Variants in RIT2 observed in about 807,000 individuals in gnomAD.
The protein encoded by RIT2 is GTP-binding protein Rit2.
A neutral mutation model predicts 23.7 loss-of-function variants in RIT2; 24 were observed. The observed-to-expected ratio is 1.01, with a 90% CI of 0.73 to 1.43. The LOEUF is 1.43. Among genes scored for constraint, RIT2 ranks in the 40% most tolerant of loss-of-function variants. The pLI is 0.00. For synonymous variants in RIT2, 107 were observed against 91.1 expected (o/e 1.17, Z -0.99); for missense variants, 236 against 266.9 (o/e 0.88, Z 0.81).
At chr18:42,900,457 G>A (rs1232988913) in intron 4 of RIT2, among the ~76,000 whole-genome samples, 1 of 152,012 alleles carries the variant, frequency 6.6e-6, no homozygotes, top group Non-Finnish European at 1.5e-5. Flanking sequence ...GATATGCCAG[G>A]TTAACAATGC....
chr18:43,011,990 G>A (rs1018783343), intron 2 of RIT2, among the ~76,000 whole-genome samples: 3 of 151,624 alleles, frequency 2.0e-5, no homozygotes, highest in Admixed American at 6.6e-5. Context: ...GAGCTTTTTC[G>A]TGTTCCTGAA....
At chr18:43,087,468 G>A (rs1487916577) in intron 1 of RIT2, among the ~76,000 whole-genome samples, 1 of 152,042 alleles carries the variant, frequency 6.6e-6, no homozygotes, top group African/African-American at 2.4e-5. Context: ...GTCTCCCTTT[G>A]AGATTCAAAC....
chr18:42,864,644 A>G (rs1907420691), intron 4 of RIT2, among the ~76,000 whole-genome samples: 1 of 152,184 alleles, frequency 6.6e-6, no homozygotes, highest in Non-Finnish European at 1.5e-5. Flanking sequence ...TATTTACACC[A>G]TGCCACTCAA....
intron 4 of RIT2, among the ~76,000 whole-genome samples, chr18:42,775,191 G>A (rs1913639115): frequency 6.6e-6 from 1 of 152,086 alleles, no homozygotes; most frequent in Admixed American, 6.5e-5. Context: ...AGCCACTCAG[G>A]AATCCATTGT....
At chr18:42,920,843 C>A in intron 4 of RIT2, 2 of 933,100 alleles carry the variant, frequency 2.1e-6, no homozygotes, top group South Asian at 1.3e-5. Context: ...GTAATTTCAC[C>A]GTTGAGAGTT....
At chr18:43,060,892 T>G (rs923392654) in intron 1 of RIT2, among the ~76,000 whole-genome samples, 3 of 152,102 alleles carry the variant, frequency 2.0e-5, no homozygotes, top group Admixed American at 2.0e-4. Context: ...ATCCCTACAG[T>G]TTATAATGAG....
At chr18:42,779,845 C>T (rs1266101842) in intron 4 of RIT2, among the ~76,000 whole-genome samples, 1 of 152,102 alleles carries the variant, frequency 6.6e-6, no homozygotes, top group Non-Finnish European at 1.5e-5. Context: ...GACTTTGCCA[C>T]TAACTGCTCT....
chr18:42,894,334 C>T (rs1908264103), intron 4 of RIT2, among the ~76,000 whole-genome samples: 1 of 152,182 alleles, frequency 6.6e-6, no homozygotes, highest in South Asian at 2.1e-4. Context: ...ATCCAATAAT[C>T]AGCAAGACAC....
At chr18:42,970,013 T>C (rs1310161008) in intron 3 of RIT2, among the ~76,000 whole-genome samples, 1 of 152,048 alleles carries the variant, frequency 6.6e-6, no homozygotes, top group Non-Finnish European at 1.5e-5. Context: ...CCTATTGCAG[T>C]TCTTGGTACA....
intron 2 of RIT2, among the ~76,000 whole-genome samples, chr18:42,978,599 AG>A (rs1393312944): frequency 6.6e-6 from 1 of 152,172 alleles, no homozygotes; most frequent in Non-Finnish European, 1.5e-5. Context: ...ATGTATACAA[AG>A]CTTTATCAGG....
chr18:42,983,112 A>G (rs977863181), intron 2 of RIT2, among the ~76,000 whole-genome samples: 1 of 152,176 alleles, frequency 6.6e-6, no homozygotes, highest in African/African-American at 2.4e-5. Flanking sequence ...AACAGTTATC[A>G]TACAGCTACA....
At chr18:42,885,638 A>C (rs916418292) in intron 4 of RIT2, among the ~76,000 whole-genome samples, 2 of 152,166 alleles carry the variant, frequency 1.3e-5, no homozygotes, top group Non-Finnish European at 2.9e-5. Context: ...AAATAGTACA[A>C]ATACATTTTC....
chr18:42,996,304 C>A (rs1028203882), intron 2 of RIT2, among the ~76,000 whole-genome samples: 10 of 152,098 alleles, frequency 6.6e-5, no homozygotes, highest in Admixed American at 2.6e-4. Context: ...AAACATCGCC[C>A]ATTATCTCTC....
At chr18:42,900,170 C>T (rs143169420) in intron 4 of RIT2, among the ~76,000 whole-genome samples, 1 of 151,938 alleles carries the variant, frequency 6.6e-6, no homozygotes, top group Admixed American at 6.6e-5. Flanking sequence ...TAATAAGGTG[C>T]TTTTCATTCT....
chr18:42,768,344 G>A (rs1913473775), intron 4 of RIT2, among the ~76,000 whole-genome samples: 2 of 152,142 alleles, frequency 1.3e-5, no homozygotes, highest in South Asian at 4.1e-4. Flanking sequence ...CTGGGTGCCT[G>A]AGCCAGCCAA....
chr18:43,035,230 T>C (rs1485627195), intron 1 of RIT2, among the ~76,000 whole-genome samples: 1 of 152,216 alleles, frequency 6.6e-6, no homozygotes, highest in Non-Finnish European at 1.5e-5. Flanking sequence ...AATTGTTTAC[T>C]TCCTTTATTT....
intron 4 of RIT2, among the ~76,000 whole-genome samples, chr18:42,810,006 TAA>T (rs1038523427): frequency 5.5e-5 from 8 of 146,516 alleles, no homozygotes; most frequent in Non-Finnish European, 9.0e-5. Flanking sequence ...CATATATGTA[TAA>T]GTTATATATG....
chr18:42,817,257 T>G (rs527642094), intron 4 of RIT2, among the ~76,000 whole-genome samples: 119 of 152,302 alleles, frequency 7.8e-4, no homozygotes, highest in Non-Finnish European at 1.4e-3. Context: ...AAGTTGATTC[T>G]TTTTTAATAT....
chr18:42,815,235 G>C (rs1039860381), intron 4 of RIT2, among the ~76,000 whole-genome samples: 4 of 152,116 alleles, frequency 2.6e-5, no homozygotes, highest in African/African-American at 9.7e-5. Flanking sequence ...GGAGGCACCA[G>C]GGATAAATAT....
Sources: allele counts gnomAD v4.1 joint callset (sites outside exome capture counted in the v4.1 genomes callset), GRCh38; gene constraint gnomAD v4.1.1; transcripts MANE v1.5; gene names NCBI Gene and HGNC (gene_info 2026-07-23, HGNC 2026-07-21).